Variants in TTN observed in about 807,000 individuals in gnomAD.
The protein encoded by TTN is titin, also known as connectin.
A neutral mutation model predicts 3,223.0 loss-of-function variants in TTN; 1,525 were observed. That is an observed-to-expected ratio of 0.47 (90% CI 0.45 to 0.49). The LOEUF is 0.49. Ranked by LOEUF, TTN falls within the 20% of genes least tolerant of loss-of-function variation. The probability of loss-of-function intolerance (pLI) is 0.00; values close to 1 mark genes in which losing one functional copy is unlikely to be tolerated. For missense variants in TTN, 40,786 were observed against 43,424.0 expected, an observed-to-expected ratio of 0.94 and a Z score of 5.40; for synonymous variants, 14,094 against 15,161.0, an observed-to-expected ratio of 0.93 and a Z score of 5.17.
Position 178,646,037 on chromosome 2 carries a change from A to G in TTN, c.40298-7T>C. ...ACCTTTTCAGGTTCAGGTTCTTGAAAGAGTATTTCAGAGGTGTTAGTATAT... is the reference window on the plus strand; with the variant it reads ...ACCTTTTCAGGTTCAGGTTCTTGAAGGAGTATTTCAGAGGTGTTAGTATAT... On this transcript the variant is annotated splice_polypyrimidine_tract_variant and splice_region_variant and intron_variant, in intron 216 of 362. Coordinates refer to ENST00000589042, the MANE Select transcript of TTN (RefSeq NM_001267550.2). 1 of 1,514,324 alleles carries G rather than the reference A, an allele frequency of 6.6e-7. No individual in the cohort carries two copies. Among genetic ancestry groups the G allele is most frequent in the Non-Finnish European group, 8.8e-7 (1 of 1,132,208 alleles). 93.8% of individuals were successfully genotyped at this position (1,514,324 alleles called of 1,614,324 possible).
In TTN at chr2:178,613,179, AG is replaced by A. The variant is rs759546058; in HGVS notation, c.49629del (p.Leu16544Ter). 1 of 1,610,204 alleles carries A rather than the reference AG, an allele frequency of 6.2e-7. No homozygotes were observed. Among genetic ancestry groups the A allele is most frequent in the Non-Finnish European group, 8.5e-7 (1 of 1,178,642 alleles). ...ATAATACCTATGGGATCCTTTATTA[AG>A]ATTGGTTCAGTTGATTTGCTTGGTT... ...PGKPSKSTEPILIKDPIDPPW... is the reference protein window; with the variant it reads ...PGKPSKSTEPXLIKDPIDPPW... On this transcript the variant is annotated frameshift_variant, in exon 264 of 363. Transcript: ENST00000589042. LOFTEE classifies it high-confidence loss of function.
At chr2:178,674,167 A>G (rs981223941) in intron 151 of TTN, 147 bp downstream of exon 151, 12 of 599,540 alleles carry the variant, frequency 2.0e-5, no homozygotes, top group Non-Finnish European at 3.6e-5. Context: ...AAAAGGACAC[A>G]TAGATTCAGG....
At chr2:178,676,314 A>G (rs1196272008) in intron 147 of TTN, among the ~76,000 whole-genome samples, 1 of 151,868 alleles carries the variant, frequency 6.6e-6, no homozygotes, top group Non-Finnish European at 1.5e-5. Context: ...TTCACTAGTA[A>G]TTTATTGTCT....
At chr2:178,644,476 T>A in intron 218 of TTN, 72 bp downstream of exon 218, 2 of 1,116,000 alleles carry the variant, frequency 1.8e-6, no homozygotes, top group Non-Finnish European at 2.5e-6. Flanking sequence ...GAACATTCGA[T>A]GGAGGCAGAA....
chr2:178,651,257 A>G lies in TTN; in HGVS notation c.39611T>C (p.Val13204Ala), dbSNP rs1312783968. The change falls in exon 208 of 363, where the codon GTC (valine) becomes GCC (alanine). Residue 13204 changes from valine (V) to alanine (A), a missense_variant. Val to Ala is a moderately conservative substitution (Grantham distance 64). Coordinates refer to ENST00000589042, the MANE Select transcript of TTN (RefSeq NM_001267550.2). ...GTGACATGTACCTTTTGCTGGTGGG[A>G]CTTCTGGCTTTTTGGGAACAGCTAC... ...KKVAVPKKPEVPPAKVPEVPK... is the reference protein window; with the variant it reads ...KKVAVPKKPEAPPAKVPEVPK... The G allele has an allele frequency of 1.9e-6, 3 of 1,613,056 alleles. No homozygotes were observed. The highest frequency in any genetic ancestry group is 4.5e-5 in the East Asian group (2 of 44,834).
In TTN at chr2:178,740,264, C is replaced by T. The variant is rs764965322; in HGVS notation, c.12969G>A (p.Glu4323=). The change falls in exon 48 of 363, where the codon GAG becomes GAA. Residue 4323 remains glutamate, a synonymous_variant. Coordinates refer to ENST00000589042, the MANE Select transcript of TTN (RefSeq NM_001267550.2). ...NAGQDSAVRI[E]EGKSLRFPLA... ...GTGGAAATCTTAAGGACTTGCCTTC[C>T]TCAATTCTGACCGCAGAATCTTGCC... 3 of 1,613,678 alleles carry T rather than the reference C, an allele frequency of 1.9e-6. No homozygotes were observed. The South Asian group carries it at 3.3e-5, about 18-fold the overall frequency.
At chr2:178,690,310 A>C (rs546950226) in intron 121 of TTN, among the ~76,000 whole-genome samples, 2 of 152,224 alleles carry the variant, frequency 1.3e-5, no homozygotes, top group South Asian at 2.1e-4. Flanking sequence ...ACTAAGACTA[A>C]GAAGTCTTAG....
At position 178,789,448 on chromosome 2, in the gene TTN, G is replaced by A; in HGVS notation, c.1988C>T (p.Thr663Ile). The stretch of plus-strand genomic sequence containing the variant: ...TGTTTCTTGTTCTTTGGCTTTAGCA[G>A]TAGCAACTGCTATTGTAGACAAGGC... Reference protein sequence around the residue: ...KTALSTIAVATAKAKEQETIL... With the variant: ...KTALSTIAVAIAKAKEQETIL... The change falls in exon 13 of 363, where the codon ACT (threonine) becomes ATT (isoleucine). Residue 663 changes from threonine to isoleucine, a missense_variant. Transcript: ENST00000589042. 1 of 1,613,488 alleles carries A rather than the reference G, an allele frequency of 6.2e-7. No individual in the cohort carries two copies. Among genetic ancestry groups the A allele is most frequent in the Non-Finnish European group, 8.5e-7 (1 of 1,179,604 alleles).
rs1553504771 is a variant in TTN, at chr2:178,537,576, C to T, written c.99631G>A (p.Gly33211Ser). 3.1e-6 allele frequency: 5 copies of T among 1,613,730 alleles called. 1 individual carries two copies. In the South Asian group the frequency reaches 5.5e-5, roughly 18 times the overall value. ...PLKEKYYGAVGSTLRLHVMYI... is the reference protein window; with the variant it reads ...PLKEKYYGAVSSTLRLHVMYI... ...ATAACATGAAGCCGAAGTGTGGAACCCACAGCTCCATAATATTTCTCTTTC... is the reference window on the plus strand; with the variant it reads ...ATAACATGAAGCCGAAGTGTGGAACTCACAGCTCCATAATATTTCTCTTTC... The change falls in exon 355 of 363, where the codon GGT becomes AGT. Residue 33211 changes from glycine to serine, a missense_variant. Coordinates refer to ENST00000589042, the MANE Select transcript of TTN (RefSeq NM_001267550.2).
chr2:178,742,026 C>T, intron 47 of TTN, 105 bp from the exon 48 acceptor site: 5 of 872,632 alleles, frequency 5.7e-6, no homozygotes, highest in Non-Finnish European at 7.7e-6. Flanking sequence ...CTGCTTTATT[C>T]CTGGAATGAT....
chr2:178,560,800 A>G lies in TTN; in HGVS notation c.85332T>C (p.Asn28444=), dbSNP rs1229795823. The stretch of plus-strand genomic sequence containing the variant: ...GACCAGGCTTATCAAGTACTTTGCA[A>G]TTAACGGCCACAGACCGAGTGCCGG... ...NVAGTRSVAV[N]CKVLDKPGPP... Residue 28444 remains asparagine (N), a synonymous_variant, in exon 326 of 363, where the codon AAT becomes AAC. Coordinates refer to ENST00000589042, the MANE Select transcript of TTN (RefSeq NM_001267550.2). 1 of 1,613,710 alleles carries G rather than the reference A, an allele frequency of 6.2e-7. No homozygotes were observed. The highest frequency in any genetic ancestry group is 1.7e-5 in the Admixed American group (1 of 59,996).
chr2:178,611,255 G>C lies in TTN; in HGVS notation c.50874C>G (p.Asp16958Glu). Residue 16958 changes from aspartate to glutamate, a missense_variant, in exon 270 of 363, where the codon GAC (aspartate) becomes GAG (glutamate). Physicochemically the swap from Asp to Glu is conservative, Grantham distance 45 (BLOSUM62 2). Coordinates refer to ENST00000589042, the MANE Select transcript of TTN (RefSeq NM_001267550.2). ...TAACAATAATGTCATGAGTCTCCAGGTCAATTGTTGGCTTGCCTGTAAGAT... is the reference window on the plus strand; with the variant it reads ...TAACAATAATGTCATGAGTCTCCAGCTCAATTGTTGGCTTGCCTGTAAGAT... ...AKDPDCKPTIDLETHDIIVIE... is the reference protein window; with the variant it reads ...AKDPDCKPTIELETHDIIVIE... 1 of 1,612,230 alleles carries C rather than the reference G, an allele frequency of 6.2e-7. No homozygotes were observed. Among genetic ancestry groups the C allele is most frequent in the South Asian group, 1.1e-5 (1 of 90,930 alleles).
chr2:178,542,583 C>T lies in TTN; in HGVS notation c.97193-20G>A, dbSNP rs780343645. The T allele has an allele frequency of 7.5e-6, 12 of 1,591,666 alleles. No homozygotes were observed. The Admixed American group carries it at 1.9e-4, about 25-fold the overall frequency. On this transcript the variant is annotated intron_variant, in intron 348 of 362. Coordinates refer to ENST00000589042, the MANE Select transcript of TTN (RefSeq NM_001267550.2). ...GCTTGTCTATGAAAGAGAAGAAATA[C>T]AGGAAATTAATTTTTACTTCAAATC...
At position 178,732,708 on chromosome 2, in the gene TTN, A is replaced by G. The variant is rs775534581; in HGVS notation, c.16353T>C (p.Ser5451=). ...CCTTTGAGCCGGGTTTAGTTACAAA[A>G]CTGGGTGGTTCTGAAGAAGGGGTAT... ...SGALIVQEPP[S]FVTKPGSKDV... is the part of the protein sequence containing the mutation. Residue 5451 remains serine, a synonymous_variant, in exon 56 of 363, where the codon AGT becomes AGC. Transcript: ENST00000589042. 1 of 1,591,494 alleles carries G rather than the reference A, an allele frequency of 6.3e-7. No homozygotes were observed. Among genetic ancestry groups the G allele is most frequent in the Non-Finnish European group, 8.6e-7 (1 of 1,169,130 alleles).
intron 114 of TTN, 129 bp downstream of exon 114, chr2:178,695,736 C>A: frequency 2.6e-6 from 2 of 774,414 alleles, no homozygotes; most frequent in South Asian, 4.1e-5. Flanking sequence ...AGATTTCTAA[C>A]CTTAAAAAAA....
chr2:178,633,410 C>T lies in TTN; in HGVS notation c.42946+3G>A, dbSNP rs763647141. 1.6e-5 allele frequency: 26 copies of T among 1,613,230 alleles called. No homozygotes were observed. The highest frequency in any genetic ancestry group is 1.9e-5 in the Non-Finnish European group (23 of 1,179,554). On this transcript the variant is annotated splice_donor_region_variant and intron_variant, in intron 232 of 362. Coordinates refer to ENST00000589042, the MANE Select transcript of TTN (RefSeq NM_001267550.2). ...GTAAATTTTACATTGTTGAGCAACT[C>T]ACCCTCAACAGTAACATTTGCCTTG...
intron 146 of TTN, 113 bp downstream of exon 146, chr2:178,677,508 G>T: frequency 1.8e-6 from 2 of 1,107,036 alleles, no homozygotes; most frequent in Non-Finnish European, 2.5e-6. Context: ...AGATTTAGGT[G>T]GTCAATCACA....
Position 178,728,574 on chromosome 2 carries a change from T to C in TTN, c.19352A>G (p.Asp6451Gly). The C allele has an allele frequency of 6.2e-7, 1 of 1,613,222 alleles. No homozygotes were observed. The highest frequency in any genetic ancestry group is 8.5e-7 in the Non-Finnish European group (1 of 1,179,510). Residue 6451 changes from aspartate (D) to glycine (G), a missense_variant, in exon 66 of 363, where the codon GAC (aspartate) becomes GGC (glycine). Physicochemically the swap from Asp to Gly is moderately conservative, Grantham distance 94 (BLOSUM62 -1). Coordinates refer to ENST00000589042, the MANE Select transcript of TTN (RefSeq NM_001267550.2). ...SFRIQSVMKQ[D>G]SGQYTFKVEN... ...CACCTTGAAAGTGTACTGACCGCTG[T>C]CCTGCTTCATTACTGACTGAATTCT...
In TTN at chr2:178,562,552, C is replaced by T. The variant is rs200096597; in HGVS notation, c.83580G>A (p.Val27860=). 230 of 1,610,106 alleles carry T rather than the reference C, an allele frequency of 1.4e-4. No homozygotes were observed. The highest frequency in any genetic ancestry group is 1.9e-4 in the Non-Finnish European group (225 of 1,178,492). ...TTCCAGGTGGGAGGGGTGGTTCAGACACTTTAACGGGTTCTGTTGTTTCAG... is the reference window on the plus strand; with the variant it reads ...TTCCAGGTGGGAGGGGTGGTTCAGATACTTTAACGGGTTCTGTTGTTTCAG... ...LPAETTEPVK[V]SEPPLPPGRV... is the part of the protein sequence containing the mutation. The change falls in exon 326 of 363, where the codon GTG becomes GTA. Residue 27860 remains valine, a synonymous_variant. Coordinates refer to ENST00000589042, the MANE Select transcript of TTN (RefSeq NM_001267550.2).
Sources: gnomAD v4.1 joint callset for allele counts (sites outside exome capture counted in the v4.1 genomes callset) on GRCh38, gnomAD v4.1.1 for gene constraint, MANE v1.5 for transcripts, NCBI Gene and HGNC (gene_info 2026-07-23, HGNC 2026-07-21) for gene names.